Variants in GABRG3 observed in about 807,000 individuals in gnomAD.
GABRG3 encodes the protein gamma-aminobutyric acid receptor subunit gamma-3.
Under a neutral mutation model 48.8 loss-of-function variants are expected in GABRG3, and 25 were observed. The ratio of observed to expected loss-of-function variants is 0.51; its 90% CI spans 0.37 to 0.72. GABRG3 has a LOEUF of 0.72. Among genes scored for constraint, GABRG3 ranks in the 30% least tolerant of loss-of-function variants. GABRG3 has a pLI of 0.00. For synonymous variants in GABRG3, 227 were observed against 217.6 expected (o/e 1.04, Z -0.38); for missense variants, 394 against 577.9 (o/e 0.68, Z 3.26).
intron 3 of GABRG3, among the ~76,000 whole-genome samples, chr15:27,120,712 A>G (rs761738627): frequency 1.1e-4 from 16 of 152,228 alleles, no homozygotes; most frequent in African/African-American, 3.4e-4. Context: ...GCTGAGGCCA[A>G]TTCTTGAAGG....
chr15:26,971,699 A>C, intron 1 of GABRG3, 111 bp downstream of exon 1: 1 of 1,257,932 alleles, frequency 7.9e-7, no homozygotes, highest in Non-Finnish European at 1.0e-6. Flanking sequence ...GGGCTGCGGC[A>C]CGGCGGGCCG....
intron 5 of GABRG3, among the ~76,000 whole-genome samples, chr15:27,387,745 A>C (rs536256787): frequency 7.1e-6 from 1 of 141,696 alleles, no homozygotes; most frequent in East Asian, 2.4e-4. Flanking sequence ...GAGGGGGCCA[A>C]ATGTCACCTC....
intron 3 of GABRG3, among the ~76,000 whole-genome samples, chr15:27,066,910 G>T (rs1255695729): frequency 6.6e-6 from 1 of 152,144 alleles, no homozygotes; most frequent in Non-Finnish European, 1.5e-5. Context: ...GAATGTCAAG[G>T]GTGAGGCAAA....
At chr15:27,183,556 T>G (rs528251876) in intron 3 of GABRG3, among the ~76,000 whole-genome samples, 1 of 152,334 alleles carries the variant, frequency 6.6e-6, no homozygotes, top group Non-Finnish European at 1.5e-5. Context: ...CTTAAAAAAC[T>G]GTTGAAGGCT....
chr15:27,197,013 G>T (rs1217303338), intron 3 of GABRG3, among the ~76,000 whole-genome samples: 2 of 152,184 alleles, frequency 1.3e-5, no homozygotes, highest in South Asian at 2.1e-4. Context: ...ATAAAAGGCG[G>T]ATGTCACACT....
chr15:27,110,689 TA>T (rs1436239053), intron 3 of GABRG3, among the ~76,000 whole-genome samples: 1 of 152,130 alleles, frequency 6.6e-6, no homozygotes, highest in Non-Finnish European at 1.5e-5. Context: ...TTGAACAATT[TA>T]AATATTTTCC....
At chr15:27,468,481 G>A (rs1425840810) in intron 5 of GABRG3, among the ~76,000 whole-genome samples, 2 of 152,206 alleles carry the variant, frequency 1.3e-5, no homozygotes, top group Non-Finnish European at 2.9e-5. Flanking sequence ...GTCAAATTCA[G>A]TGCCGTGTTG....
chr15:27,105,139 A>C (rs1897428173), intron 3 of GABRG3, among the ~76,000 whole-genome samples: 1 of 152,234 alleles, frequency 6.6e-6, no homozygotes, highest in South Asian at 2.1e-4. Flanking sequence ...AAGCTATGGT[A>C]ATATTCAATG....
chr15:27,003,667 C>G (rs1365459095), intron 2 of GABRG3, among the ~76,000 whole-genome samples: 2 of 152,186 alleles, frequency 1.3e-5, no homozygotes, highest in Non-Finnish European at 2.9e-5. Context: ...AATCTTTTCC[C>G]CACCTTTCCC....
chr15:27,089,776 T>A (rs1485444670), intron 3 of GABRG3, among the ~76,000 whole-genome samples: 1 of 152,254 alleles, frequency 6.6e-6, no homozygotes, highest in Admixed American at 6.5e-5. Context: ...ATATTGCATG[T>A]GAATGAAATC....
chr15:27,326,808 GGAAT>G lies in GABRG3; in HGVS notation c.271_274del (p.Glu91ThrfsTer22). ...TTGCCTCTCCTTCTGCTCTGTTTCAGGAATACCAAATTGACATATTTTTTGCTCA... is the reference window on the plus strand; with the variant it reads ...TTGCCTCTCCTTCTGCTCTGTTTCAGACCAAATTGACATATTTTTTGCTCA... On this transcript the variant is annotated frameshift_variant and splice_region_variant, in exon 4 of 10. Coordinates refer to ENST00000615808, the MANE Select transcript of GABRG3 (RefSeq NM_033223.5). LOFTEE classifies it high-confidence loss of function. 6.2e-7 allele frequency: 1 copy of G among 1,610,762 alleles called. No homozygotes were observed. Among genetic ancestry groups the G allele is most frequent in the Non-Finnish European group, 8.5e-7 (1 of 1,176,958 alleles).
intron 3 of GABRG3, among the ~76,000 whole-genome samples, chr15:27,069,321 A>G (rs1321557368): frequency 1.3e-5 from 2 of 152,238 alleles, no homozygotes; most frequent in South Asian, 2.1e-4. Context: ...AGCACTGGAC[A>G]TAGAGGCAGG....
intron 3 of GABRG3, among the ~76,000 whole-genome samples, chr15:27,274,628 C>T (rs1332937361): frequency 6.6e-6 from 1 of 152,130 alleles, no homozygotes; most frequent in African/African-American, 2.4e-5. Flanking sequence ...AATTTCAACA[C>T]GAGTTTTGGT....
At chr15:27,214,104 C>T (rs1398723368) in intron 3 of GABRG3, among the ~76,000 whole-genome samples, 1 of 152,172 alleles carries the variant, frequency 6.6e-6, no homozygotes, top group Non-Finnish European at 1.5e-5. Flanking sequence ...GGAGAAGTCA[C>T]CTCACCTCTC....
At chr15:27,258,034 A>C (rs1890673012) in intron 3 of GABRG3, among the ~76,000 whole-genome samples, 1 of 152,146 alleles carries the variant, frequency 6.6e-6, no homozygotes, top group Non-Finnish European at 1.5e-5. Flanking sequence ...AGAACAATCA[A>C]GTGATTTGTG....
chr15:27,436,459 T>C (rs1347086466), intron 5 of GABRG3, among the ~76,000 whole-genome samples: 2 of 152,242 alleles, frequency 1.3e-5, no homozygotes, highest in Non-Finnish European at 2.9e-5. Flanking sequence ...TAAAAAGTAC[T>C]GCACATTCAC....
intron 3 of GABRG3, among the ~76,000 whole-genome samples, chr15:27,097,239 T>C (rs1238639573): frequency 6.6e-6 from 1 of 151,974 alleles, no homozygotes; most frequent in African/African-American, 2.4e-5. Context: ...CTGCTGGGCA[T>C]GTAAGAAATG....
intron 5 of GABRG3, among the ~76,000 whole-genome samples, chr15:27,465,080 A>C (rs1889563943): frequency 6.6e-6 from 1 of 152,194 alleles, no homozygotes; most frequent in Admixed American, 6.5e-5. Context: ...CCAGGCACAG[A>C]GCCCGTGAAT....
intron 3 of GABRG3, among the ~76,000 whole-genome samples, chr15:27,126,531 A>G (rs1007339852): frequency 1.3e-5 from 2 of 152,164 alleles, no homozygotes; most frequent in African/African-American, 2.4e-5. Context: ...GCCATGGCCA[A>G]CTGGCTGGGG....
Sources: gnomAD v4.1 joint callset for allele counts (sites outside exome capture counted in the v4.1 genomes callset) on GRCh38, gnomAD v4.1.1 for gene constraint, MANE v1.5 for transcripts, NCBI Gene and HGNC (gene_info 2026-07-23, HGNC 2026-07-21) for gene names.